PDE4D: variants seen among roughly 807,000 people sequenced by gnomAD.
PDE4D encodes the protein 3',5'-cyclic-AMP phosphodiesterase 4D.
In PDE4D, 24 loss-of-function variants were observed where a neutral mutation model predicts 87.4. The observed-to-expected ratio is 0.27, with a 90% CI of 0.20 to 0.39. PDE4D has a LOEUF of 0.39. Among genes scored for constraint, PDE4D ranks in the 10% least tolerant of loss-of-function variants. The probability of loss-of-function intolerance (pLI) is 1.00; values close to 1 mark genes in which losing one functional copy is unlikely to be tolerated. For synonymous variants in PDE4D, 384 were observed against 383.2 expected, an observed-to-expected ratio of 1.00 and a Z score of -0.02; for missense variants, 714 against 1,041.0, an observed-to-expected ratio of 0.69 and a Z score of 4.32.
chr5:60,191,810 A>G (rs1324698340), intron 1 of PDE4D, among the ~76,000 whole-genome samples: 1 of 152,138 alleles, frequency 6.6e-6, no homozygotes, highest in Non-Finnish European at 1.5e-5. Context: ...CAGCCTGGCC[A>G]ACATGGTGAA....
At position 59,174,739 on chromosome 5, in the gene PDE4D, G is replaced by A. The variant is rs530686461; in HGVS notation, c.808+5856C>T. On this transcript the variant is annotated intron_variant, in intron 5 of 14. Transcript: ENST00000340635. ...TCCACGGTGGGTATAAAGGCCACCC[G>A]AATCTAATGGTTTATTTTACTTTAT... Among the ~76,000 whole-genome samples, 10 of 152,156 alleles carry A rather than the reference G, an allele frequency of 6.6e-5. No homozygotes were observed. The South Asian group carries it at 1.5e-3, about 22-fold the overall frequency.
intron 1 of PDE4D, among the ~76,000 whole-genome samples, chr5:59,616,856 T>A (rs1049835381): frequency 6.9e-6 from 1 of 144,208 alleles, no homozygotes; most frequent in African/African-American, 2.5e-5. Context: ...TATACCTCTA[T>A]ACGTATTCCA....
rs752846669 is a variant in PDE4D at position 59,036,367 on chromosome 5, C to T, written c.921+2492G>A. On this transcript the variant is annotated intron_variant, in intron 6 of 14. Transcript: ENST00000340635. ...TAAACTGAAAATATCAGTTTGAACA[C>T]GTGTATGTAAAAAGAATGGATGGTA... 5.9e-5 allele frequency among the ~76,000 whole-genome samples: 9 copies of T among 152,132 alleles called. No homozygotes were observed. The South Asian group carries it at 6.2e-4, about 11-fold the overall frequency.
intron 1 of PDE4D, among the ~76,000 whole-genome samples, chr5:59,442,729 C>T (rs1048575918): frequency 1.3e-5 from 2 of 152,102 alleles, no homozygotes; most frequent in Non-Finnish European, 2.9e-5. Flanking sequence ...GGTTACCTGG[C>T]AGTAGAGGGT....
intron 1 of PDE4D, among the ~76,000 whole-genome samples, chr5:59,530,240 T>G (rs1355046021): frequency 6.6e-6 from 1 of 152,172 alleles, no homozygotes; most frequent in African/African-American, 2.4e-5. Flanking sequence ...CTGTTTTCCT[T>G]TCTTTGAAAA....
At chr5:59,291,379 T>C (rs1008292181) in intron 1 of PDE4D, among the ~76,000 whole-genome samples, 1 of 151,882 alleles carries the variant, frequency 6.6e-6, no homozygotes, top group African/African-American at 2.4e-5. Flanking sequence ...AGCTAAAAAT[T>C]AAAACAAACG....
At chr5:60,274,327 T>C (rs1248676333) in intron 1 of PDE4D, among the ~76,000 whole-genome samples, 2 of 133,626 alleles carry the variant, frequency 1.5e-5, no homozygotes, top group African/African-American at 5.8e-5. Context: ...TTGTTATTTG[T>C]TTGGTTCTTG....
intron 1 of PDE4D, among the ~76,000 whole-genome samples, chr5:59,449,222 G>A (rs1045601777): frequency 1.3e-5 from 2 of 152,082 alleles, no homozygotes; most frequent in African/African-American, 4.8e-5. Flanking sequence ...CATGTTGCTG[G>A]GTTTATGCCT....
intron 1 of PDE4D, among the ~76,000 whole-genome samples, chr5:60,373,298 C>A (rs1233794091): frequency 6.6e-6 from 1 of 152,230 alleles, no homozygotes; most frequent in East Asian, 1.9e-4. Context: ...CACATTTCCT[C>A]ACGGCAACAA....
chr5:60,462,156 G>A lies in PDE4D; in HGVS notation c.-90+25786C>T, dbSNP rs153029. ...GCTGTGATACATACCCACCTGCAGG[G>A]ACAACTTCCCTTCTAGACTCTTCCC... On this transcript the variant is annotated intron_variant, in intron 1 of 16. Transcript: ENST00000502484. Among the ~76,000 whole-genome samples the A allele has an allele frequency of 9.8e-3, 1,495 of 152,218 alleles. 76 individuals are homozygous for A. The East Asian group carries it at 0.14, about 15-fold the overall frequency.
intron 1 of PDE4D, among the ~76,000 whole-genome samples, chr5:59,445,892 G>A (rs1320449463): frequency 1.3e-5 from 2 of 152,186 alleles, no homozygotes; most frequent in Non-Finnish European, 2.9e-5. Context: ...ATACACATCA[G>A]TGATTTTTAA....
Position 58,973,169 on chromosome 5 carries a change from T to TTAA in PDE4D, c.*1492_*1494dup, listed in dbSNP as rs1374902634. 6.6e-6 allele frequency: 1 copy of TTAA among 152,158 alleles called. No homozygotes were observed. The highest frequency in any genetic ancestry group is 2.4e-5 in the African/African-American group (1 of 41,412). The allele number at this position is 152,158 out of a possible 1,614,324, so 9.4% of individuals were successfully genotyped here. ...TGTATTGGTGTTTGTTAATATATTGTTAATATTCTTAAAAACTGCCTAGTT... is the reference window on the plus strand; with the variant it reads ...TGTATTGGTGTTTGTTAATATATTGTTAATAATATTCTTAAAAACTGCCTAGTT... On this transcript the variant is annotated 3_prime_UTR_variant, in exon 15 of 15. Coordinates refer to ENST00000340635, the MANE Select transcript of PDE4D (RefSeq NM_001104631.2).
chr5:59,916,229 G>A (rs970471228), intron 3 of PDE4D, among the ~76,000 whole-genome samples: 1 of 152,094 alleles, frequency 6.6e-6, no homozygotes, highest in African/African-American at 2.4e-5. Context: ...TAAGGTAAGT[G>A]GAAAATAATC....
chr5:59,415,336 A>G (rs1225841077), intron 1 of PDE4D, among the ~76,000 whole-genome samples: 1 of 152,200 alleles, frequency 6.6e-6, no homozygotes, highest in Non-Finnish European at 1.5e-5. Flanking sequence ...CTGAAGCATA[A>G]AAAGAGAAAA....
At chr5:59,484,734 G>T (rs1282363618) in intron 1 of PDE4D, among the ~76,000 whole-genome samples, 1 of 152,164 alleles carries the variant, frequency 6.6e-6, no homozygotes, top group Non-Finnish European at 1.5e-5. Flanking sequence ...AGCAAAAGCT[G>T]CAGACTACAA....
At chr5:59,518,799 C>A (rs985903665) in intron 1 of PDE4D, among the ~76,000 whole-genome samples, 26 of 152,100 alleles carry the variant, frequency 1.7e-4, no homozygotes, top group African/African-American at 4.6e-4. Context: ...CTGTAATAGA[C>A]TAGTTTTTTA....
chr5:59,952,533 T>C (rs1281690316), intron 3 of PDE4D, among the ~76,000 whole-genome samples: 1 of 152,206 alleles, frequency 6.6e-6, no homozygotes, highest in Non-Finnish European at 1.5e-5. Flanking sequence ...ACGTTGTGAC[T>C]GGTAGAATCT....
At chr5:60,174,556 A>G (rs1261807632) in intron 2 of PDE4D, among the ~76,000 whole-genome samples, 3 of 152,112 alleles carry the variant, frequency 2.0e-5, no homozygotes, top group African/African-American at 7.2e-5. Context: ...TGAAAAAGGA[A>G]AGACAAAATA....
In PDE4D at chr5:59,409,955, G is replaced by A. The variant is rs1456970603; in HGVS notation, c.456-193987C>T. Among the ~76,000 whole-genome samples, 5 of 152,134 alleles carry A rather than the reference G, an allele frequency of 3.3e-5. No individual in the cohort carries two copies. The East Asian group carries it at 9.7e-4, about 29-fold the overall frequency. ...TTTAATTCTTATGAGTACATAGTAA[G>A]TATATGAATTTATGGGTCACATGAA... On this transcript the variant is annotated intron_variant, in intron 1 of 14. Transcript: ENST00000340635.
Sources: allele counts gnomAD v4.1 joint callset (sites outside exome capture counted in the v4.1 genomes callset), GRCh38; gene constraint gnomAD v4.1.1; transcripts MANE v1.5; gene names NCBI Gene and HGNC (gene_info 2026-07-23, HGNC 2026-07-21).